The following TMEM266 variants were observed in gnomAD, a reference collection of about 807,000 sequenced individuals.
The protein encoded by TMEM266 is Hv1 related protein 1.
In TMEM266, 33 loss-of-function variants were observed where a neutral mutation model predicts 50.5. The observed-to-expected ratio is 0.65, with a 90% CI of 0.50 to 0.87. The LOEUF (loss-of-function observed/expected upper bound fraction) is 0.87. TMEM266 is among the 40% of genes least tolerant of loss of function. The pLI is 0.00. For missense variants in TMEM266, 655 were observed against 695.1 expected (o/e 0.94, Z 0.65); for synonymous variants, 310 against 292.3 (o/e 1.06, Z -0.62).
chr15:76,151,986 C>T lies in TMEM266; in HGVS notation c.228-4618C>T, dbSNP rs377405058. On this transcript the variant is annotated intron_variant, in intron 3 of 10. Transcript: ENST00000388942. Reference sequence around the variant, plus strand: ...GTTGTTGTTCAGGAGGTCTGGTGTGCAGCCTGGGCATTGGAGTTCTTAAGA... The same window carrying T: ...GTTGTTGTTCAGGAGGTCTGGTGTGTAGCCTGGGCATTGGAGTTCTTAAGA... 3.9e-5 allele frequency among the ~76,000 whole-genome samples: 6 copies of T among 152,280 alleles called. No individual in the cohort carries two copies. In the East Asian group the frequency reaches 7.7e-4, roughly 20 times the overall value.
chr15:76,118,937 CCCTA>C (rs2037293422), intron 1 of TMEM266, among the ~76,000 whole-genome samples: 1 of 152,110 alleles, frequency 6.6e-6, no homozygotes, highest in Admixed American at 6.6e-5. Flanking sequence ...TTAAAGCAGG[CCCTA>C]CCTGGTGCCA....
chr15:76,152,712 G>C (rs1395610595), intron 3 of TMEM266, among the ~76,000 whole-genome samples: 1 of 112,280 alleles, frequency 8.9e-6, no homozygotes, highest in Admixed American at 8.8e-5. Context: ...ACTGAGGCCT[G>C]CTCTGACCAC....
intron 1 of TMEM266, among the ~76,000 whole-genome samples, chr15:76,081,479 C>T (rs185845993): frequency 6.9e-4 from 105 of 152,312 alleles, no homozygotes; most frequent in African/African-American, 2.4e-3. Context: ...GGCTCACTAA[C>T]GATGATGTTC....
At chr15:76,092,667 G>A (rs4886473) in intron 1 of TMEM266, among the ~76,000 whole-genome samples, 51,336 of 151,246 alleles carry the variant, frequency 0.34, 9,756 homozygotes, top group East Asian at 0.59. Flanking sequence ...TTCAGCCTGG[G>A]CAACAGAGCA....
intron 1 of TMEM266, among the ~76,000 whole-genome samples, chr15:76,121,098 C>G (rs75698962): frequency 6.6e-6 from 1 of 152,002 alleles, no homozygotes; most frequent in Non-Finnish European, 1.5e-5. Context: ...CAAATATCAG[C>G]CTATAAATAA....
intron 1 of TMEM266, among the ~76,000 whole-genome samples, chr15:76,098,343 T>A (rs142419784): frequency 1.8e-3 from 278 of 152,244 alleles, no homozygotes; most frequent in African/African-American, 6.5e-3. Context: ...GCCCCTCTGC[T>A]GCTGGTCTGC....
chr15:76,098,711 T>C (rs1304504110), intron 1 of TMEM266, among the ~76,000 whole-genome samples: 1 of 151,550 alleles, frequency 6.6e-6, no homozygotes, highest in Non-Finnish European at 1.5e-5. Context: ...CTCTGTCCCT[T>C]GGAGATGGGG....
chr15:76,077,046 C>T (rs2036617817), intron 1 of TMEM266, among the ~76,000 whole-genome samples: 1 of 151,988 alleles, frequency 6.6e-6, no homozygotes, highest in Non-Finnish European at 1.5e-5. Flanking sequence ...CTCACTGCAA[C>T]CCCTGCTTCA....
intron 3 of TMEM266, among the ~76,000 whole-genome samples, chr15:76,144,554 A>G (rs566159361): frequency 2.6e-5 from 4 of 152,294 alleles, no homozygotes; most frequent in South Asian, 2.1e-4. Flanking sequence ...CCCCCATGCC[A>G]AGCCTGTACC....
At chr15:76,156,862 C>G in intron 4 of TMEM266, 104 bp downstream of exon 4, 1 of 1,223,556 alleles carries the variant, frequency 8.2e-7, no homozygotes, top group Admixed American at 1.9e-5. Flanking sequence ...GATCTGCCCC[C>G]GCCGATGCTG....
chr15:76,116,634 G>T (rs973025645), intron 1 of TMEM266, among the ~76,000 whole-genome samples: 2 of 151,984 alleles, frequency 1.3e-5, no homozygotes, highest in Admixed American at 6.6e-5. Flanking sequence ...TCTTTAGCAA[G>T]TGTGAGCTCT....
At chr15:76,089,718 G>A (rs921306516) in intron 1 of TMEM266, among the ~76,000 whole-genome samples, 1 of 152,144 alleles carries the variant, frequency 6.6e-6, no homozygotes, top group African/African-American at 2.4e-5. Context: ...AGGATGTACC[G>A]ACAGGAGAGG....
At position 76,170,021 on chromosome 15, in the gene TMEM266, C is replaced by T. The variant is rs112075349; in HGVS notation, c.513+149C>T. 2.8e-4 allele frequency: 199 copies of T among 708,270 alleles called. No individual in the cohort carries two copies. The African/African-American group carries it at 3.2e-3, about 11-fold the overall frequency. The allele number at this position is 708,270 out of a possible 1,614,324, so 43.9% of individuals were successfully genotyped here. A position where few individuals can be genotyped will look rare whatever the true frequency, so the allele number is the denominator to read the frequency against. ...CTGTGGCTGTGCATGTTGGGTGGGG[C>T]AGGGAGGGGGAACTGAGACTGTTTC... On this transcript the variant is annotated intron_variant, in intron 6 of 10. Coordinates refer to ENST00000388942, the MANE Select transcript of TMEM266 (RefSeq NM_152335.3).
Position 76,149,324 on chromosome 15 carries a change from T to C in TMEM266, c.228-7280T>C, listed in dbSNP as rs372329958. Among the ~76,000 whole-genome samples the C allele has an allele frequency of 4.1e-4, 62 of 152,268 alleles. No individual in the cohort carries two copies. The East Asian group carries it at 5.4e-3, about 13-fold the overall frequency. On this transcript the variant is annotated intron_variant, in intron 3 of 10. Coordinates refer to ENST00000388942, the MANE Select transcript of TMEM266 (RefSeq NM_152335.3). ...TGAGTGGTCTAGAACTAGGAACACA[T>C]TGGATCATCAGAGTTCATGGATAAG...
chr15:76,113,697 C>T (rs1333716182), intron 1 of TMEM266: 1 of 152,200 alleles, frequency 6.6e-6, no homozygotes, highest in Non-Finnish European at 1.5e-5. Flanking sequence ...ATCACAAGGT[C>T]AGGAGATCGA....
intron 8 of TMEM266, among the ~76,000 whole-genome samples, chr15:76,191,199 T>G (rs1484730294): frequency 3.9e-5 from 6 of 152,248 alleles, no homozygotes; most frequent in Non-Finnish European, 1.5e-5. Flanking sequence ...GCTGTGAGTG[T>G]GCTTTACCTT....
At chr15:76,201,381 G>A (rs2038745451) in intron 9 of TMEM266, among the ~76,000 whole-genome samples, 1 of 152,026 alleles carries the variant, frequency 6.6e-6, no homozygotes, top group Admixed American at 6.6e-5. Context: ...CTCTCAGGAG[G>A]TGAACCAAGA....
chr15:76,136,425 A>G (rs1398986171), intron 2 of TMEM266, among the ~76,000 whole-genome samples: 1 of 152,094 alleles, frequency 6.6e-6, no homozygotes, highest in Non-Finnish European at 1.5e-5. Flanking sequence ...TTACCTCCTC[A>G]TGTTCTGATT....
chr15:76,107,875 G>A (rs946412958), intron 1 of TMEM266, among the ~76,000 whole-genome samples: 1 of 152,186 alleles, frequency 6.6e-6, no homozygotes, highest in Non-Finnish European at 1.5e-5. Flanking sequence ...ATATCCTTCT[G>A]TCATCCCAAG....
Sources: allele counts gnomAD v4.1 joint callset (sites outside exome capture counted in the v4.1 genomes callset), GRCh38; gene constraint gnomAD v4.1.1; transcripts MANE v1.5; gene names NCBI Gene and HGNC (gene_info 2026-07-23, HGNC 2026-07-21).